Variants in FXR1 observed in about 807,000 individuals in gnomAD.
FXR1 encodes the protein FMR1 autosomal homolog 1, also known as RNA-binding protein FXR1.
Under a neutral mutation model 84.0 loss-of-function variants are expected in FXR1, and 15 were observed. The observed-to-expected ratio is 0.18, with a 90% CI of 0.12 to 0.27. The LOEUF is 0.27. FXR1 is among the 10% of genes least tolerant of loss of function. The pLI is 1.00. For missense variants in FXR1, 480 were observed against 774.4 expected (o/e 0.62, Z 4.51); for synonymous variants, 245 against 250.7 (o/e 0.98, Z 0.21).
At chr3:180,974,968 A>C (rs1284744616) in intron 15 of FXR1, among the ~76,000 whole-genome samples, 1 of 105,862 alleles carries the variant, frequency 9.4e-6, no homozygotes, top group Non-Finnish European at 1.7e-5. Context: ...ATAATTGCAA[A>C]CACTGGGCTT....
intron 1 of FXR1, among the ~76,000 whole-genome samples, chr3:180,925,225 G>C (rs1193399900): frequency 1.3e-5 from 2 of 151,996 alleles, no homozygotes; most frequent in Non-Finnish European, 2.9e-5. Flanking sequence ...GCCGGGCATG[G>C]TGGCACGTGC....
intron 3 of FXR1, among the ~76,000 whole-genome samples, chr3:180,942,136 T>G (rs991665100): frequency 3.3e-5 from 5 of 152,004 alleles, no homozygotes; most frequent in Non-Finnish European, 7.4e-5. Flanking sequence ...CCCAGCACTT[T>G]GGGAGGCCGA....
At chr3:180,940,580 G>GTTTTGTT (rs746815811) in intron 3 of FXR1, among the ~76,000 whole-genome samples, 22,516 of 144,124 alleles carry the variant, frequency 0.16, 1,873 homozygotes, top group Middle Eastern at 0.22. Context: ...GTTTTTTTCT[G>GTTTTGTT]TTTTCTTTTT....
In FXR1 at chr3:180,963,097, A is replaced by AT; in HGVS notation, c.1198+7_1198+8insT. 1 of 1,362,016 alleles carries AT rather than the reference A, an allele frequency of 7.3e-7. No individual in the cohort carries two copies. The highest frequency in any genetic ancestry group is 1.0e-6 in the Non-Finnish European group (1 of 977,680). The allele number at this position is 1,362,016 out of a possible 1,614,324, so 84.4% of individuals were successfully genotyped here. A position where few individuals can be genotyped will look rare whatever the true frequency, so the allele number is the denominator to read the frequency against. On this transcript the variant is annotated splice_region_variant and intron_variant, in intron 13 of 16. Transcript: ENST00000357559. ...AATTACACCTCCGGTTATGGTAAAA[A>AT]AAAATTTTTTTTTTTTTTTTTTGGT...
At chr3:180,921,082 A>G (rs1289551299) in intron 1 of FXR1, among the ~76,000 whole-genome samples, 3 of 152,074 alleles carry the variant, frequency 2.0e-5, no homozygotes, top group Non-Finnish European at 4.4e-5. Context: ...AGCTTACTCC[A>G]TAATTGGCTG....
intron 1 of FXR1, among the ~76,000 whole-genome samples, chr3:180,917,887 C>T (rs1718089152): frequency 7.3e-6 from 1 of 136,664 alleles, no homozygotes; most frequent in South Asian, 2.3e-4. Flanking sequence ...GCAGAGGTTG[C>T]AGTGAGCCGA....
chr3:180,968,679 A>G (rs1422151104), intron 14 of FXR1, among the ~76,000 whole-genome samples: 2 of 152,344 alleles, frequency 1.3e-5, no homozygotes, highest in East Asian at 3.9e-4. Context: ...ATTCTTAGCT[A>G]CACTATGTAG....
At position 180,976,482 on chromosome 3, in the gene FXR1, T is replaced by C; in HGVS notation, c.*190T>C. ...ACATACTTTGACACCTACTGTGTTA[T>C]AAAATATATCATCAGATGTGCCTTG... On this transcript the variant is annotated 3_prime_UTR_variant, in exon 17 of 17. Coordinates refer to ENST00000357559, the MANE Select transcript of FXR1 (RefSeq NM_005087.4). 5.4e-6 allele frequency: 2 copies of C among 371,628 alleles called. No individual in the cohort carries two copies. Among genetic ancestry groups the C allele is most frequent in the Non-Finnish European group, 9.9e-6 (2 of 202,342 alleles). The allele number at this position is 371,628 out of a possible 1,614,324, so 23.0% of individuals were successfully genotyped here.
At chr3:180,952,575 GAA>G (rs397875465) in intron 8 of FXR1, among the ~76,000 whole-genome samples, 253 of 141,666 alleles carry the variant, frequency 1.8e-3, no homozygotes, top group African/African-American at 5.9e-3. Flanking sequence ...AAGGAGGAGG[GAA>G]AAAAAAAAAA....
rs953846227 is a variant in FXR1, at chr3:180,979,008, T to C, written c.*2716T>C. On this transcript the variant is annotated 3_prime_UTR_variant, in exon 17 of 17. Transcript: ENST00000357559. ...AAATCTTTATTTTGAAATAATCTTG[T>C]ATTTTAATGTGGAATTAGAAGCAGC... 2.0e-5 allele frequency: 3 copies of C among 152,120 alleles called. No homozygotes were observed. Among genetic ancestry groups the C allele is most frequent in the Non-Finnish European group, 4.4e-5 (3 of 67,990 alleles). 9.4% of individuals were successfully genotyped at this position (152,120 alleles called of 1,614,324 possible). A position where few individuals can be genotyped will look rare whatever the true frequency, so the allele number is the denominator to read the frequency against.
At chr3:180,940,098 A>G (rs1046227691) in intron 3 of FXR1, among the ~76,000 whole-genome samples, 2 of 152,224 alleles carry the variant, frequency 1.3e-5, no homozygotes, top group African/African-American at 4.8e-5. Context: ...ATGGCCCAGC[A>G]GTGGACCCAA....
intron 1 of FXR1, among the ~76,000 whole-genome samples, chr3:180,919,473 C>T (rs111321693): frequency 0.067 from 10,225 of 151,550 alleles, 989 homozygotes; most frequent in African/African-American, 0.22. Context: ...TTAGTAGAGA[C>T]AGGGTTTCAC....
chr3:180,938,140 AT>A (rs1178543758), intron 3 of FXR1, among the ~76,000 whole-genome samples: 13 of 152,170 alleles, frequency 8.5e-5, no homozygotes, highest in African/African-American at 3.1e-4. Context: ...AAATTACCAG[AT>A]TTTTTGCTGT....
At chr3:180,960,691 A>C (rs1269442264) in intron 10 of FXR1, among the ~76,000 whole-genome samples, 2 of 152,042 alleles carry the variant, frequency 1.3e-5, no homozygotes, top group African/African-American at 4.8e-5. Flanking sequence ...TCTCGAACTC[A>C]TGAACTCAAG....
chr3:180,953,893 T>C (rs890785604), intron 9 of FXR1, 53 bp downstream of exon 9: 32 of 885,086 alleles, frequency 3.6e-5, no homozygotes, highest in Non-Finnish European at 5.6e-5. Context: ...TTTAGTTACA[T>C]ATAGCGACTT....
chr3:180,936,237 C>A (rs1320632375), intron 3 of FXR1, among the ~76,000 whole-genome samples: 1 of 151,864 alleles, frequency 6.6e-6, no homozygotes, highest in African/African-American at 2.4e-5. Flanking sequence ...AAGCACTTTG[C>A]AAATGATTTA....
Position 180,978,999 on chromosome 3 carries a change from A to G in FXR1, c.*2707A>G, listed in dbSNP as rs1714471795. ...GGAATACACAAATCTTTATTTTGAA[A>G]TAATCTTGTATTTTAATGTGGAATT... On this transcript the variant is annotated 3_prime_UTR_variant, in exon 17 of 17. Transcript: ENST00000357559. The G allele has an allele frequency of 6.6e-6, 1 of 152,116 alleles. No individual in the cohort carries two copies. Among genetic ancestry groups the G allele is most frequent in the Non-Finnish European group, 1.5e-5 (1 of 67,986 alleles). 9.4% of individuals were successfully genotyped at this position (152,116 alleles called of 1,614,324 possible). A position where few individuals can be genotyped will look rare whatever the true frequency, so the allele number is the denominator to read the frequency against.
intron 1 of FXR1, among the ~76,000 whole-genome samples, chr3:180,923,912 A>G (rs935519697): frequency 6.6e-6 from 1 of 152,034 alleles, no homozygotes; most frequent in Non-Finnish European, 1.5e-5. Context: ...TTGCCTAGAT[A>G]ACGATGATCA....
At chr3:180,955,064 G>A (rs1249432236) in intron 9 of FXR1, among the ~76,000 whole-genome samples, 4 of 147,516 alleles carry the variant, frequency 2.7e-5, no homozygotes, top group South Asian at 2.1e-4. Flanking sequence ...ATGCAATCTC[G>A]GCTCACTGCA....
Sources: allele counts gnomAD v4.1 joint callset (sites outside exome capture counted in the v4.1 genomes callset), GRCh38; gene constraint gnomAD v4.1.1; transcripts MANE v1.5; gene names NCBI Gene and HGNC (gene_info 2026-07-23, HGNC 2026-07-21).